The following MYOM2 variants were observed in gnomAD, a reference collection of about 807,000 sequenced individuals.
MYOM2 encodes myomesin-2.
In MYOM2, 254 loss-of-function variants were observed where a neutral mutation model predicts 187.6. The ratio of observed to expected loss-of-function variants is 1.35; its 90% CI spans 1.22 to 1.50. The LOEUF (loss-of-function observed/expected upper bound fraction) is 1.50. Among genes scored for constraint, MYOM2 ranks in the 40% most tolerant of loss-of-function variants. MYOM2 has a pLI of 0.00. For synonymous variants in MYOM2, 981 were observed against 753.8 expected (o/e 1.30, Z -4.94); for missense variants, 2,796 against 1,924.0 (o/e 1.45, Z -8.48).
Position 2,073,578 on chromosome 8 carries a change from G to C in MYOM2, c.1120+78G>C. ...GAGGCAGCCCTGGGAGGAGGGAGGC[G>C]CTGGGAAAAGGAGTCCAGAGGGTGT... On this transcript the variant is annotated intron_variant, in intron 10 of 36. Coordinates refer to ENST00000262113, the MANE Select transcript of MYOM2 (RefSeq NM_003970.4). 4.1e-6 allele frequency: 6 copies of C among 1,470,930 alleles called. No homozygotes were observed. The South Asian group carries it at 5.5e-5, about 13-fold the overall frequency. The allele number at this position is 1,470,930 out of a possible 1,614,324, so 91.1% of individuals were successfully genotyped here.
At chr8:2,096,114 G>A (rs997706786) in intron 17 of MYOM2, 133 bp from the exon 18 acceptor site, 1 of 776,460 alleles carries the variant, frequency 1.3e-6, no homozygotes, top group Non-Finnish European at 2.1e-6. Context: ...GGTTGAGAGG[G>A]ATCAGAGGGC....
intron 6 of MYOM2, among the ~76,000 whole-genome samples, chr8:2,068,181 C>T (rs528508086): frequency 6.6e-6 from 1 of 151,088 alleles, no homozygotes; most frequent in African/African-American, 2.4e-5. Context: ...CCTGTGCACA[C>T]CAGGCCGAGA....
At position 2,100,930 on chromosome 8, in the gene MYOM2, T is replaced by C. The variant is rs1357401777; in HGVS notation, c.2495T>C (p.Leu832Pro). ...CEVRDTSLVM[L>P]WKAPVYSGSS... The stretch of plus-strand genomic sequence containing the variant: ...GTCAGGGACACGTCCTTGGTCATGC[T>C]GTGGAAGGCCCCTGTGTACTCCGGC... The change falls in exon 20 of 37, where the codon CTG becomes CCG. Residue 832 changes from leucine to proline, a missense_variant. Physicochemically the swap from Leu to Pro is moderately conservative, Grantham distance 98 (BLOSUM62 -3). Transcript: ENST00000262113. 1.1e-5 allele frequency: 17 copies of C among 1,614,078 alleles called. 1 individual carries two copies. Among genetic ancestry groups the C allele is most frequent in the Non-Finnish European group, 1.4e-5 (17 of 1,180,042 alleles).
rs1377684265 is a variant in MYOM2, at chr8:2,088,588, C to CACAGG, written c.1645-1416_1645-1412dup. ...GCCTCCAGCTGCACCCATGTGGCTG[C>CACAGG]ACAGGACATGATTTCTTTCCTCTTT... On this transcript the variant is annotated intron_variant, in intron 14 of 36. Transcript: ENST00000262113. 2.0e-5 allele frequency among the ~76,000 whole-genome samples: 3 copies of CACAGG among 152,246 alleles called. No homozygotes were observed. In the East Asian group the frequency reaches 5.8e-4, roughly 29 times the overall value.
At chr8:2,087,098 T>A (rs1796118653) in intron 14 of MYOM2, among the ~76,000 whole-genome samples, 1 of 152,180 alleles carries the variant, frequency 6.6e-6, no homozygotes, top group South Asian at 2.1e-4. Context: ...AAGGCACAGG[T>A]TGTGACCCAC....
Position 2,050,980 on chromosome 8 carries a change from G to C in MYOM2, c.107+107G>C, listed in dbSNP as rs1818465787. On this transcript the variant is annotated intron_variant, in intron 2 of 36. Transcript: ENST00000262113. ...CCCTGGAGAGGCACTGGTTTGCAGG[G>C]AGTCAGAGAGCAGAGATGGCAGCCT... The C allele has an allele frequency of 6.1e-6, 5 of 824,448 alleles. 1 individual carries two copies. The South Asian group carries it at 8.2e-5, about 14-fold the overall frequency. 51.1% of individuals were successfully genotyped at this position (824,448 alleles called of 1,614,324 possible). A position where few individuals can be genotyped will look rare whatever the true frequency, so the allele number is the denominator to read the frequency against.
At chr8:2,073,886 T>G (rs1819324489) in intron 10 of MYOM2, among the ~76,000 whole-genome samples, 1 of 152,150 alleles carries the variant, frequency 6.6e-6, no homozygotes, top group Admixed American at 6.5e-5. Flanking sequence ...TTCCTTACTC[T>G]CCTGCCAGCG....
At chr8:2,108,246 A>G (rs528143267) in intron 23 of MYOM2, among the ~76,000 whole-genome samples, 21 of 150,886 alleles carry the variant, frequency 1.4e-4, no homozygotes, top group South Asian at 4.2e-4. Context: ...AATGCAGTGT[A>G]TTTTGTTTAT....
intron 31 of MYOM2, among the ~76,000 whole-genome samples, chr8:2,128,239 A>G (rs999412961): frequency 6.6e-6 from 1 of 152,240 alleles, no homozygotes. Flanking sequence ...TTGAACTCCT[A>G]GAAGCACAAT....
chr8:2,124,052 G>C, intron 30 of MYOM2, 127 bp from the exon 31 acceptor site: 1 of 909,184 alleles, frequency 1.1e-6, no homozygotes, highest in Non-Finnish European at 1.7e-6. Flanking sequence ...GATAAATATT[G>C]CCATTTTAAT....
chr8:2,060,476 C>A (rs1187171116), intron 6 of MYOM2, among the ~76,000 whole-genome samples: 1 of 151,834 alleles, frequency 6.6e-6, no homozygotes, highest in African/African-American at 2.4e-5. Context: ...TCAGTTATAT[C>A]AAATCCCTTC....
At position 2,139,188 on chromosome 8, in the gene MYOM2, C is replaced by T. The variant is rs576531898; in HGVS notation, c.3801-1535C>T. ...CAGTGTCTCGCTCTGTTGGCCAGGCCGGAGTGCGGTGGTGTGATCACAGCT... is the reference window on the plus strand; with the variant it reads ...CAGTGTCTCGCTCTGTTGGCCAGGCTGGAGTGCGGTGGTGTGATCACAGCT... On this transcript the variant is annotated intron_variant, in intron 32 of 36. Transcript: ENST00000262113. Among the ~76,000 whole-genome samples the T allele has an allele frequency of 1.2e-4, 19 of 152,284 alleles. 1 individual carries two copies. In the South Asian group the frequency reaches 2.5e-3, roughly 20 times the overall value.
intron 13 of MYOM2, among the ~76,000 whole-genome samples, chr8:2,081,066 G>T (rs1417831098): frequency 2.1e-5 from 3 of 145,640 alleles, no homozygotes; most frequent in African/African-American, 7.9e-5. Context: ...AATGAGGTTT[G>T]GTTCTGATCT....
intron 6 of MYOM2, among the ~76,000 whole-genome samples, chr8:2,062,432 C>T (rs1268911233): frequency 6.6e-6 from 1 of 152,090 alleles, no homozygotes; most frequent in Non-Finnish European, 1.5e-5. Context: ...GTGCTCTGGG[C>T]AGCTTTTGAG....
chr8:2,069,493 T>G lies in MYOM2; in HGVS notation c.789T>G (p.Ile263Met). ...CATTCCGTTCGGTGGGACTCCCGAT[T>G]GGATGTAAGTGGGTTTTTGTTTCTT... ...EEPFRSVGLP[I>M]GLPLSSMIPY... The change falls in exon 8 of 37, where the codon ATT becomes ATG. Residue 263 changes from isoleucine (I) to methionine (M), a missense_variant. Physicochemically the swap from Ile to Met is conservative, Grantham distance 10. Transcript: ENST00000262113. 1 of 1,614,158 alleles carries G rather than the reference T, an allele frequency of 6.2e-7. No homozygotes were observed. The highest frequency in any genetic ancestry group is 2.2e-5 in the East Asian group (1 of 44,880).
chr8:2,084,166 G>A (rs1019361450), intron 13 of MYOM2, among the ~76,000 whole-genome samples: 4 of 152,128 alleles, frequency 2.6e-5, no homozygotes, highest in Admixed American at 1.3e-4. Context: ...GTGTGGACAC[G>A]GTGCACGGGT....
chr8:2,064,242 C>G (rs1340642485), intron 6 of MYOM2, among the ~76,000 whole-genome samples: 1 of 152,184 alleles, frequency 6.6e-6, no homozygotes, highest in African/African-American at 2.4e-5. Flanking sequence ...CCCTTACCTC[C>G]CTCCCAGGGC....
chr8:2,112,440 C>G lies in MYOM2; in HGVS notation c.3180+2909C>G, dbSNP rs138609042. Among the ~76,000 whole-genome samples, 409 of 151,822 alleles carry G rather than the reference C, an allele frequency of 2.7e-3. 10 individuals are homozygous for G. The East Asian group carries it at 0.07, about 26-fold the overall frequency. ...ATGGGAGGGAGAGAATGAGACATTC[C>G]AAGCCGCTCTAGTGCACAGAGAGTG... On this transcript the variant is annotated intron_variant, in intron 25 of 36. Coordinates refer to ENST00000262113, the MANE Select transcript of MYOM2 (RefSeq NM_003970.4).
intron 6 of MYOM2, among the ~76,000 whole-genome samples, chr8:2,062,903 A>G (rs1078936): frequency 0.35 from 53,593 of 152,120 alleles, 9,703 homozygotes; most frequent in East Asian, 0.58. Context: ...TGTTGGCAAC[A>G]TTTAAACTTT....
Sources: gnomAD v4.1 joint callset for allele counts (sites outside exome capture counted in the v4.1 genomes callset) on GRCh38, gnomAD v4.1.1 for gene constraint, MANE v1.5 for transcripts, NCBI Gene and HGNC (gene_info 2026-07-23, HGNC 2026-07-21) for gene names.